Variants in INSM2 observed in about 807,000 individuals in gnomAD.
INSM2 encodes the protein INSM transcriptional repressor 2, also known as insulinoma-associated protein 2.
Under a neutral mutation model 30.5 loss-of-function variants are expected in INSM2, and 12 were observed. The observed-to-expected ratio is 0.39, with a 90% CI of 0.25 to 0.64. The LOEUF (loss-of-function observed/expected upper bound fraction) is 0.64, where lower values mean the gene tolerates loss of function less well. Among genes scored for constraint, INSM2 ranks in the 30% least tolerant of loss-of-function variants. INSM2 has a pLI of 0.47. For missense variants in INSM2, 773 were observed against 819.2 expected, an observed-to-expected ratio of 0.94 and a Z score of 0.69; for synonymous variants, 418 against 383.7, an observed-to-expected ratio of 1.09 and a Z score of -1.05.
In INSM2 at chr14:35,534,540, G is replaced by T. The variant is rs1048008130; in HGVS notation, c.288G>T (p.Ala96=). 1.6e-5 allele frequency: 22 copies of T among 1,396,206 alleles called. No homozygotes were observed. The highest frequency in any genetic ancestry group is 7.1e-5 in the Admixed American group (2 of 28,152). The allele number at this position is 1,396,206 out of a possible 1,614,324, so 86.5% of individuals were successfully genotyped here. Residue 96 remains alanine (A), a synonymous_variant, in exon 1 of 1, where the codon GCG becomes GCT. Coordinates refer to ENST00000307169, the MANE Select transcript of INSM2 (RefSeq NM_032594.4). ...GGCGGGAAGGCGCGGAGTGGCGGGC[G>T]GGTGGCAGGGAAGGTCCCGGGCCCA... ...TGGREGAEWR[A]GGREGPGPSP...
In INSM2 at chr14:35,534,770, C is replaced by T. The variant is rs200368985; in HGVS notation, c.518C>T (p.Pro173Leu). Residue 173 changes from proline (P) to leucine (L), a missense_variant, in exon 1 of 1, where the codon CCA (proline) becomes CTA (leucine). By Grantham distance (98) the Pro-to-Leu change is moderately conservative (BLOSUM62 -3). Transcript: ENST00000307169. ...CTGCTGCCGCTTCGGGCGCCGTTCC[C>T]AGAGCCCGCGCTTCAGCCGGACCCT... ...QFLLPLRAPF[P>L]EPALQPDPAP... 4.8e-4 allele frequency: 675 copies of T among 1,417,822 alleles called. 1 individual carries two copies. In the African/African-American group the frequency reaches 6.1e-3, roughly 13 times the overall value. The allele number at this position is 1,417,822 out of a possible 1,614,324, so 87.8% of individuals were successfully genotyped here. A position where few individuals can be genotyped will look rare whatever the true frequency, so the allele number is the denominator to read the frequency against.
Position 35,535,622 on chromosome 14 carries a change from C to G in INSM2, c.1370C>G (p.Ala457Gly), listed in dbSNP as rs774808114. The G allele has an allele frequency of 6.2e-7, 1 of 1,613,124 alleles. No individual in the cohort carries two copies. The highest frequency in any genetic ancestry group is 8.5e-7 in the Non-Finnish European group (1 of 1,179,994). The change falls in exon 1 of 1, where the codon GCG (alanine) becomes GGG (glycine). Residue 457 changes from alanine (A) to glycine (G), a missense_variant. By Grantham distance (60) the Ala-to-Gly change is moderately conservative. Coordinates refer to ENST00000307169, the MANE Select transcript of INSM2 (RefSeq NM_032594.4). ...THEAGSARAL[A>G]PGFGSERGAP... ...GAGGCGGGCTCGGCCCGTGCGCTAG[C>G]GCCGGGCTTTGGCTCCGAACGCGGT...
chr14:35,535,998 C>G lies in INSM2; in HGVS notation c.*45C>G, dbSNP rs1299315326. On this transcript the variant is annotated 3_prime_UTR_variant, in exon 1 of 1. Coordinates refer to ENST00000307169, the MANE Select transcript of INSM2 (RefSeq NM_032594.4). ...ATTTCGAGGTTGGCCTTAGAGGAAA[C>G]AGATCATGGGAATTTCTGTGGGGCT... 3.3e-6 allele frequency: 5 copies of G among 1,534,066 alleles called. No individual in the cohort carries two copies. The highest frequency in any genetic ancestry group is 4.4e-6 in the Non-Finnish European group (5 of 1,144,618).
At position 35,535,546 on chromosome 14, in the gene INSM2, C is replaced by T. The variant is rs1265076917; in HGVS notation, c.1294C>T (p.His432Tyr). ...GSEIFVCPYC[H>Y]KKFRRQAYLR... ...CGAGATTTTCGTGTGCCCATATTGC[C>T]ACAAAAAGTTTCGTCGCCAAGCCTA... Residue 432 changes from histidine (H) to tyrosine (Y), a missense_variant, in exon 1 of 1, where the codon CAC (histidine) becomes TAC (tyrosine). Transcript: ENST00000307169. 6.2e-7 allele frequency: 1 copy of T among 1,613,184 alleles called. No individual in the cohort carries two copies. Among genetic ancestry groups the T allele is most frequent in the Non-Finnish European group, 8.5e-7 (1 of 1,179,990 alleles).
In INSM2 at chr14:35,534,771, A is replaced by C; in HGVS notation, c.519A>C (p.Pro173=). The change falls in exon 1 of 1, where the codon CCA becomes CCC. Residue 173 remains proline (P), a synonymous_variant. Transcript: ENST00000307169. ...TGCTGCCGCTTCGGGCGCCGTTCCCAGAGCCCGCGCTTCAGCCGGACCCTG... is the reference window on the plus strand; with the variant it reads ...TGCTGCCGCTTCGGGCGCCGTTCCCCGAGCCCGCGCTTCAGCCGGACCCTG... ...QFLLPLRAPF[P]EPALQPDPAP... is the part of the protein sequence containing the mutation. 7.1e-7 allele frequency: 1 copy of C among 1,418,382 alleles called. No individual in the cohort carries two copies. Among genetic ancestry groups the C allele is most frequent in the Non-Finnish European group, 9.2e-7 (1 of 1,091,006 alleles). 87.9% of individuals were successfully genotyped at this position (1,418,382 alleles called of 1,614,324 possible).
At position 35,534,669 on chromosome 14, in the gene INSM2, C is replaced by T. The variant is rs1431965060; in HGVS notation, c.417C>T (p.Pro139=). ...LSSPVSAESF[P]GGAAAVAAFS... ...CGCCCGTCTCCGCCGAGTCTTTCCC[C>T]GGGGGCGCCGCCGCCGTGGCCGCTT... The change falls in exon 1 of 1, where the codon CCC becomes CCT. Residue 139 remains proline (P), a synonymous_variant. Coordinates refer to ENST00000307169, the MANE Select transcript of INSM2 (RefSeq NM_032594.4). 7.1e-7 allele frequency: 1 copy of T among 1,401,882 alleles called. No individual in the cohort carries two copies. The highest frequency in any genetic ancestry group is 3.0e-5 in the East Asian group (1 of 33,666). The allele number at this position is 1,401,882 out of a possible 1,614,324, so 86.8% of individuals were successfully genotyped here.
Position 35,535,807 on chromosome 14 carries a change from G to T in INSM2, c.1555G>T (p.Gly519Trp), listed in dbSNP as rs190091421. The change falls in exon 1 of 1, where the codon GGG (glycine) becomes TGG (tryptophan). Residue 519 changes from glycine (G) to tryptophan (W), a missense_variant. Coordinates refer to ENST00000307169, the MANE Select transcript of INSM2 (RefSeq NM_032594.4). Reference sequence around the variant, plus strand: ...GTCGGGCCCTAGCGGGCCATCTGACGGGAGTGCCCAGCAAATTTTCTCGTG... The same window carrying T: ...GTCGGGCCCTAGCGGGCCATCTGACTGGAGTGCCCAGCAAATTTTCTCGTG... Reference protein sequence around the residue: ...ETSGPSGPSDGSAQQIFSCKH... With the variant: ...ETSGPSGPSDWSAQQIFSCKH... 3 of 1,613,730 alleles carry T rather than the reference G, an allele frequency of 1.9e-6. No individual in the cohort carries two copies. The highest frequency in any genetic ancestry group is 1.7e-6 in the Non-Finnish European group (2 of 1,180,018).
At position 35,534,296 on chromosome 14, in the gene INSM2, G is replaced by T; in HGVS notation, c.44G>T (p.Gly15Val). 4 of 1,595,306 alleles carry T rather than the reference G, an allele frequency of 2.5e-6. No homozygotes were observed. Among genetic ancestry groups the T allele is most frequent in the Non-Finnish European group, 3.4e-6 (4 of 1,171,624 alleles). ...GTGAAGCGAACTAAACGGACAGGCG[G>T]CTTGTACCGAGTTCGCCTTGCGGAG... ...FLVKRTKRTG[G>V]LYRVRLAERV... is the part of the protein sequence containing the mutation. The change falls in exon 1 of 1, where the codon GGC becomes GTC. Residue 15 changes from glycine to valine, a missense_variant. Gly to Val is a moderately radical substitution (Grantham distance 109). Transcript: ENST00000307169.
Position 35,534,888 on chromosome 14 carries a change from G to A in INSM2, c.636G>A (p.Ala212=). The part of the protein sequence containing the change: ...KAPTDCASGP[A]AAGIKKPKAM... ...CCACGGACTGCGCGTCTGGACCCGC[G>A]GCCGCGGGAATCAAGAAGCCAAAGG... Residue 212 remains alanine (A), a synonymous_variant, in exon 1 of 1, where the codon GCG becomes GCA. Coordinates refer to ENST00000307169, the MANE Select transcript of INSM2 (RefSeq NM_032594.4). 6.3e-7 allele frequency: 1 copy of A among 1,588,412 alleles called. No individual in the cohort carries two copies. Among genetic ancestry groups the A allele is most frequent in the Non-Finnish European group, 8.5e-7 (1 of 1,171,100 alleles).
rs770797194 is a variant in INSM2 at position 35,534,318 on chromosome 14, G to A, written c.66G>A (p.Ala22=). The A allele has an allele frequency of 1.3e-6, 2 of 1,593,480 alleles. No individual in the cohort carries two copies. The highest frequency in any genetic ancestry group is 1.7e-6 in the Non-Finnish European group (2 of 1,170,828). The change falls in exon 1 of 1, where the codon GCG becomes GCA. Residue 22 remains alanine (A), a synonymous_variant. Coordinates refer to ENST00000307169, the MANE Select transcript of INSM2 (RefSeq NM_032594.4). Reference sequence around the variant, plus strand: ...GCGGCTTGTACCGAGTTCGCCTTGCGGAGCGTGTCTTCCCTCTGCTGGGGC... The same window carrying A: ...GCGGCTTGTACCGAGTTCGCCTTGCAGAGCGTGTCTTCCCTCTGCTGGGGC... ...RTGGLYRVRL[A]ERVFPLLGPQ...
In INSM2 at chr14:35,534,530, A is replaced by C. The variant is rs2053580250; in HGVS notation, c.278A>C (p.Glu93Ala). ...SPGTGGREGA[E>A]WRAGGREGPG... ...GGGACGGGCGGGCGGGAAGGCGCGG[A>C]GTGGCGGGCGGGTGGCAGGGAAGGT... Residue 93 changes from glutamate to alanine, a missense_variant, in exon 1 of 1, where the codon GAG (glutamate) becomes GCG (alanine). Glu to Ala is a moderately radical substitution (Grantham distance 107). Coordinates refer to ENST00000307169, the MANE Select transcript of INSM2 (RefSeq NM_032594.4). 7.1e-7 allele frequency: 1 copy of C among 1,398,910 alleles called. No individual in the cohort carries two copies. Among genetic ancestry groups the C allele is most frequent in the Non-Finnish European group, 9.2e-7 (1 of 1,085,366 alleles). 86.7% of individuals were successfully genotyped at this position (1,398,910 alleles called of 1,614,324 possible).
rs1345122217 is a variant in INSM2, at chr14:35,536,939, G to A, written c.*986G>A. ...TTGATTTTTTTAAAAAACCATTTCA[G>A]TGTACATTGTGTACTAATTCCCTAC... On this transcript the variant is annotated 3_prime_UTR_variant, in exon 1 of 1. Coordinates refer to ENST00000307169, the MANE Select transcript of INSM2 (RefSeq NM_032594.4). 1 of 166,962 alleles carries A rather than the reference G, an allele frequency of 6.0e-6. No homozygotes were observed. Among genetic ancestry groups the A allele is most frequent in the Non-Finnish European group, 1.5e-5 (1 of 68,106 alleles). The allele number at this position is 166,962 out of a possible 1,614,324, so 10.3% of individuals were successfully genotyped here.
Position 35,535,750 on chromosome 14 carries a change from C to T in INSM2, c.1498C>T (p.Leu500=), listed in dbSNP as rs772824179. ...LWHAVREELL[L]PALAGAPPET... ...GCATGCTGTCCGCGAGGAGCTGCTCCTGCCCGCTCTGGCGGGGGCTCCTCC... is the reference window on the plus strand; with the variant it reads ...GCATGCTGTCCGCGAGGAGCTGCTCTTGCCCGCTCTGGCGGGGGCTCCTCC... Residue 500 remains leucine (L), a synonymous_variant, in exon 1 of 1, where the codon CTG becomes TTG. Transcript: ENST00000307169. The T allele has an allele frequency of 6.2e-7, 1 of 1,613,354 alleles. No homozygotes were observed. The highest frequency in any genetic ancestry group is 1.1e-5 in the South Asian group (1 of 91,088).
Position 35,535,175 on chromosome 14 carries a change from C to CG in INSM2, c.923_924insG (p.His309ProfsTer6). 1 of 1,613,002 alleles carries CG rather than the reference C, an allele frequency of 6.2e-7. No individual in the cohort carries two copies. Among genetic ancestry groups the CG allele is most frequent in the Non-Finnish European group, 8.5e-7 (1 of 1,179,826 alleles). On this transcript the variant is annotated frameshift_variant, in exon 1 of 1. Coordinates refer to ENST00000307169, the MANE Select transcript of INSM2 (RefSeq NM_032594.4). LOFTEE classifies it high-confidence loss of function. Reference sequence around the variant, plus strand: ...TTCAGCTGTCCTGCGAACCTGGCCTCCCATCGCCGCTGGCATAAGCCGCGT... The same window carrying CG: ...TTCAGCTGTCCTGCGAACCTGGCCTCGCCATCGCCGCTGGCATAAGCCGCGT...
At position 35,534,847 on chromosome 14, in the gene INSM2, C is replaced by A; in HGVS notation, c.595C>A (p.Arg199Ser). The A allele has an allele frequency of 6.5e-7, 1 of 1,534,190 alleles. No individual in the cohort carries two copies. Among genetic ancestry groups the A allele is most frequent in the Non-Finnish European group, 8.7e-7 (1 of 1,148,434 alleles). ...TCTGAAGCGGGCGGCCGGCGGCGAG[C>A]GCCGCGGCAAGGCACCCACGGACTG... ...QSLKRAAGGE[R>S]RGKAPTDCAS... The change falls in exon 1 of 1, where the codon CGC (arginine) becomes AGC (serine). Residue 199 changes from arginine to serine, a missense_variant. Physicochemically the swap from Arg to Ser is moderately radical, Grantham distance 110. Transcript: ENST00000307169.
In INSM2 at chr14:35,534,632, G is replaced by A; in HGVS notation, c.380G>A (p.Arg127His). 1 of 1,439,160 alleles carries A rather than the reference G, an allele frequency of 6.9e-7. No homozygotes were observed. The highest frequency in any genetic ancestry group is 9.0e-7 in the Non-Finnish European group (1 of 1,106,650). The allele number at this position is 1,439,160 out of a possible 1,614,324, so 89.1% of individuals were successfully genotyped here. ...GAELRRAFLERCLSSPVSAES... is the reference protein window; with the variant it reads ...GAELRRAFLEHCLSSPVSAES... ...GAGCTGCGTCGGGCGTTCCTGGAGC[G>A]CTGCCTCAGCTCGCCCGTCTCCGCC... The change falls in exon 1 of 1, where the codon CGC (arginine) becomes CAC (histidine). Residue 127 changes from arginine (R) to histidine (H), a missense_variant. By Grantham distance (29) the Arg-to-His change is conservative (BLOSUM62 0). Coordinates refer to ENST00000307169, the MANE Select transcript of INSM2 (RefSeq NM_032594.4).
rs2053576973 is a variant in INSM2, at chr14:35,534,244, G to T, written c.-9G>T. The T allele has an allele frequency of 6.3e-7, 1 of 1,586,756 alleles. No individual in the cohort carries two copies. The highest frequency in any genetic ancestry group is 1.4e-5 in the African/African-American group (1 of 71,250). On this transcript the variant is annotated 5_prime_UTR_variant, in exon 1 of 1. Coordinates refer to ENST00000307169, the MANE Select transcript of INSM2 (RefSeq NM_032594.4). ...TTTCCTCTTGTCCCAGAGCGCTCTC[G>T]ACTCCACCATGCCAAGGGGATTCCT...
Position 35,534,777 on chromosome 14 carries a change from C to G in INSM2, c.525C>G (p.Pro175=). ...LLPLRAPFPE[P]ALQPDPAPLS... is the part of the protein sequence containing the mutation. ...CGCTTCGGGCGCCGTTCCCAGAGCC[C>G]GCGCTTCAGCCGGACCCTGCGCCCC... The change falls in exon 1 of 1, where the codon CCC becomes CCG. Residue 175 remains proline (P), a synonymous_variant. Transcript: ENST00000307169. 2 of 1,424,132 alleles carry G rather than the reference C, an allele frequency of 1.4e-6. No homozygotes were observed. The highest frequency in any genetic ancestry group is 1.8e-6 in the Non-Finnish European group (2 of 1,094,072). 88.2% of individuals were successfully genotyped at this position (1,424,132 alleles called of 1,614,324 possible). A position where few individuals can be genotyped will look rare whatever the true frequency, so the allele number is the denominator to read the frequency against.
At position 35,535,896 on chromosome 14, in the gene INSM2, C is replaced by A; in HGVS notation, c.1644C>A (p.His548Gln). Residue 548 changes from histidine (H) to glutamine (Q), a missense_variant, in exon 1 of 1, where the codon CAC becomes CAA. By Grantham distance (24) the His-to-Gln change is conservative. Coordinates refer to ENST00000307169, the MANE Select transcript of INSM2 (RefSeq NM_032594.4). The stretch of plus-strand genomic sequence containing the variant: ...TGACCCGGCACATCAATAAGTGCCA[C>A]CCCTCAGAAAGCCGGCAAGTGCTGC... ...PGLTRHINKCHPSESRQVLLL... is the reference protein window; with the variant it reads ...PGLTRHINKCQPSESRQVLLL... 6.2e-7 allele frequency: 1 copy of A among 1,613,542 alleles called. No individual in the cohort carries two copies. Among genetic ancestry groups the A allele is most frequent in the Non-Finnish European group, 8.5e-7 (1 of 1,179,864 alleles).
Sources: gnomAD v4.1 joint callset for allele counts on GRCh38, gnomAD v4.1.1 for gene constraint, MANE v1.5 for transcripts, NCBI Gene and HGNC (gene_info 2026-07-23, HGNC 2026-07-21) for gene names.